The following ZNRF3 variants were observed in gnomAD, a reference collection of about 807,000 sequenced individuals.
ZNRF3 encodes the protein zinc and ring finger 3.
Under a neutral mutation model 72.5 loss-of-function variants are expected in ZNRF3, and 23 were observed. The ratio of observed to expected loss-of-function variants is 0.32; its 90% confidence interval spans 0.23 to 0.45. The LOEUF is 0.45. ZNRF3 is among the 20% of genes least tolerant of loss of function. The pLI is 1.00. For missense variants in ZNRF3, 1,169 were observed against 1,272.1 expected (o/e 0.92, Z 1.23); for synonymous variants, 610 against 545.3 (o/e 1.12, Z -1.65).
At chr22:29,041,256 C>T (rs1380665007) in intron 2 of ZNRF3, among the ~76,000 whole-genome samples, 1 of 152,186 alleles carries the variant, frequency 6.6e-6, no homozygotes, top group Non-Finnish European at 1.5e-5. Flanking sequence ...AAACCTCCTA[C>T]CTCAGCCTCC....
At chr22:29,038,902 C>G (rs1211704979) in intron 2 of ZNRF3, among the ~76,000 whole-genome samples, 2 of 151,980 alleles carry the variant, frequency 1.3e-5, no homozygotes, top group Non-Finnish European at 2.9e-5. Flanking sequence ...AGATCCTGTG[C>G]CTTTGCCTGG....
chr22:29,018,099 C>G (rs1046109795), intron 2 of ZNRF3: 5 of 516,998 alleles, frequency 9.7e-6, no homozygotes, highest in African/African-American at 9.6e-5. Context: ...GACGGGCAGA[C>G]CGGATCCAAA....
chr22:28,905,737 G>A (rs1332993130), intron 1 of ZNRF3, among the ~76,000 whole-genome samples: 1 of 152,172 alleles, frequency 6.6e-6, no homozygotes, highest in East Asian at 1.9e-4. Context: ...TTAGGTGGAA[G>A]CCTTTTAGTG....
In ZNRF3 at chr22:29,046,941, T is replaced by C. The variant is rs1450843598; in HGVS notation, c.912+58T>C. The C allele has an allele frequency of 9.2e-6, 13 of 1,419,614 alleles. 1 individual carries two copies. The highest frequency in any genetic ancestry group is 2.0e-4 in the Middle Eastern group (1 of 4,938). The allele number at this position is 1,419,614 out of a possible 1,614,324, so 87.9% of individuals were successfully genotyped here. A position where few individuals can be genotyped will look rare whatever the true frequency, so the allele number is the denominator to read the frequency against. On this transcript the variant is annotated intron_variant, in intron 6 of 8. Coordinates refer to ENST00000544604, the MANE Select transcript of ZNRF3 (RefSeq NM_001206998.2). The stretch of plus-strand genomic sequence containing the variant: ...GAAAACATAGGCAGGTCAGCAGAGG[T>C]GCCCAAGACCTAGAAGGACAGGGCC...
chr22:28,884,139 C>G (rs2033720859), intron 1 of ZNRF3, 73 bp downstream of exon 1: 1 of 1,024,160 alleles, frequency 9.8e-7, no homozygotes, highest in Non-Finnish European at 1.2e-6. Context: ...CCGCCGACCC[C>G]GCCGCGGGCT....
At chr22:29,041,016 C>G (rs2036953012) in intron 2 of ZNRF3, among the ~76,000 whole-genome samples, 1 of 152,150 alleles carries the variant, frequency 6.6e-6, no homozygotes, top group South Asian at 2.1e-4. Flanking sequence ...CTCTGTTGAT[C>G]TCTAAGCACT....
At chr22:29,051,183 A>G (rs1172250236) in intron 8 of ZNRF3, among the ~76,000 whole-genome samples, 1 of 152,018 alleles carries the variant, frequency 6.6e-6, no homozygotes, top group East Asian at 1.9e-4. Context: ...GCAGCCTGTC[A>G]TGTCCACAGC....
chr22:28,909,017 T>C (rs989514142), intron 1 of ZNRF3, among the ~76,000 whole-genome samples: 1 of 152,108 alleles, frequency 6.6e-6, no homozygotes, highest in Admixed American at 6.6e-5. Context: ...TGCCTCAGCC[T>C]CCTGAGTAGC....
At chr22:28,910,957 T>A (rs2034305235) in intron 1 of ZNRF3, among the ~76,000 whole-genome samples, 1 of 152,182 alleles carries the variant, frequency 6.6e-6, no homozygotes, top group African/African-American at 2.4e-5. Context: ...AATGTGCCCA[T>A]GGCAGGGCGG....
chr22:28,906,321 C>CCAAAA (rs1316161965), intron 1 of ZNRF3, among the ~76,000 whole-genome samples: 2 of 152,154 alleles, frequency 1.3e-5, no homozygotes, highest in Non-Finnish European at 2.9e-5. Flanking sequence ...TGATCTGTCT[C>CCAAAA]CAAAACAAAA....
intron 2 of ZNRF3, among the ~76,000 whole-genome samples, chr22:29,003,823 C>T (rs1156505753): frequency 6.6e-6 from 1 of 151,580 alleles, no homozygotes; most frequent in East Asian, 1.9e-4. Context: ...AGAGCAAGAC[C>T]CTGTCTCAAA....
At chr22:28,973,211 C>A (rs2035608147) in intron 1 of ZNRF3, among the ~76,000 whole-genome samples, 1 of 152,162 alleles carries the variant, frequency 6.6e-6, no homozygotes, top group Admixed American at 6.5e-5. Context: ...AACTCCTGAG[C>A]TCAAATAATC....
chr22:28,995,377 G>A (rs763837245), intron 2 of ZNRF3, among the ~76,000 whole-genome samples: 12 of 152,072 alleles, frequency 7.9e-5, no homozygotes, highest in Non-Finnish European at 1.2e-4. Flanking sequence ...GCAGTGAGCC[G>A]AGATCACGCT....
rs538963398 is a variant in ZNRF3, at chr22:28,986,643, A to G, written c.301-433A>G. ...ATGTGTTTCCAGATCCTCTTGCGTAAGTTGAAGTAGACATGTTGTTGAAGT... is the reference window on the plus strand; with the variant it reads ...ATGTGTTTCCAGATCCTCTTGCGTAGGTTGAAGTAGACATGTTGTTGAAGT... On this transcript the variant is annotated intron_variant, in intron 1 of 8. Transcript: ENST00000544604. The G allele has an allele frequency of 9.1e-6, 9 of 985,406 alleles. No individual in the cohort carries two copies. The South Asian group carries it at 4.2e-4, about 46-fold the overall frequency. The allele number at this position is 985,406 out of a possible 1,614,324, so 61.0% of individuals were successfully genotyped here.
chr22:28,918,623 T>A (rs1319919119), intron 1 of ZNRF3, among the ~76,000 whole-genome samples: 2 of 151,504 alleles, frequency 1.3e-5, no homozygotes, highest in Non-Finnish European at 2.9e-5. Flanking sequence ...AGAGAGATAG[T>A]TAGAATACAG....
intron 1 of ZNRF3, among the ~76,000 whole-genome samples, chr22:28,963,226 G>A (rs2035397155): frequency 6.6e-6 from 1 of 152,206 alleles, no homozygotes. Flanking sequence ...ATGAAAGCAG[G>A]ACACAGAGAT....
intron 2 of ZNRF3, among the ~76,000 whole-genome samples, chr22:28,995,369 A>G (rs763454917): frequency 2.6e-5 from 4 of 152,180 alleles, no homozygotes; most frequent in Non-Finnish European, 5.9e-5. Context: ...AGGAGCTTGC[A>G]GTGAGCCGAG....
chr22:28,915,469 C>G (rs1482278664), intron 1 of ZNRF3, among the ~76,000 whole-genome samples: 1 of 152,148 alleles, frequency 6.6e-6, no homozygotes, highest in Non-Finnish European at 1.5e-5. Flanking sequence ...TTTTGAGAGA[C>G]AGAACTCTGC....
At chr22:29,020,779 G>GTA (rs1257801328) in intron 2 of ZNRF3, among the ~76,000 whole-genome samples, 7 of 127,754 alleles carry the variant, frequency 5.5e-5, no homozygotes, top group African/African-American at 1.9e-4. Flanking sequence ...GTGTGTGGGT[G>GTA]TGTGTGTGTG....
Sources: allele counts gnomAD v4.1 joint callset (sites outside exome capture counted in the v4.1 genomes callset), GRCh38; gene constraint gnomAD v4.1.1; transcripts MANE v1.5; gene names NCBI Gene and HGNC (gene_info 2026-07-23, HGNC 2026-07-21).